The following IWS1 variants were observed in gnomAD, a reference collection of about 807,000 sequenced individuals.
IWS1 encodes interacts with SUPT6H, CTD assembly factor 1.
In IWS1, 27 loss-of-function variants were observed where a neutral mutation model predicts 86.7. The ratio of observed to expected loss-of-function variants is 0.31; its 90% CI spans 0.23 to 0.43. The LOEUF (loss-of-function observed/expected upper bound fraction) is 0.43. IWS1 is among the 20% of genes least tolerant of loss of function. The pLI, the probability that IWS1 is intolerant of heterozygous loss-of-function variation, is 1.00. For missense variants in IWS1, 827 were observed against 1,000.8 expected (o/e 0.83, Z 2.34); for synonymous variants, 313 against 335.1 (o/e 0.93, Z 0.72).
rs754581075 is a variant in IWS1, at chr2:127,504,780, T to C, written c.1123A>G (p.Met375Val). The C allele has an allele frequency of 5.0e-6, 8 of 1,614,086 alleles. No individual in the cohort carries two copies. The African/African-American group carries it at 1.1e-4, about 22-fold the overall frequency. Residue 375 changes from methionine to valine, a missense_variant, in exon 3 of 14, where the codon ATG becomes GTG. Physicochemically the swap from Met to Val is conservative, Grantham distance 21. Transcript: ENST00000295321. ...TCTTTTTCATCTTCATCACTGTCCA[T>C]TTTTTGCTTTTTGTGTTCTTCCTCC... ...SEEEEHKKQK[M>V]DSDEDEKEGE...
rs1422937815 is a variant in IWS1 at position 127,502,821 on chromosome 2, T to C, written c.1461A>G (p.Glu487=). The C allele has an allele frequency of 1.0e-5, 16 of 1,536,572 alleles. No homozygotes were observed. Among genetic ancestry groups the C allele is most frequent in the Non-Finnish European group, 1.8e-6 (2 of 1,112,886 alleles). The change falls in exon 5 of 14, where the codon GAA becomes GAG. Residue 487 remains glutamate (E), a synonymous_variant. Transcript: ENST00000295321. ...FGESGDEEEE[E]FTGFNQEDLE... is the part of the protein sequence containing the mutation. ...ATTTCCATCTTATACTTACTGTAAATTCTTCTTCCTCTTCATCACCAGATT... is the reference window on the plus strand; with the variant it reads ...ATTTCCATCTTATACTTACTGTAAACTCTTCTTCCTCTTCATCACCAGATT...
At chr2:127,483,232 C>A (rs1226117897) in intron 13 of IWS1, among the ~76,000 whole-genome samples, 1 of 152,052 alleles carries the variant, frequency 6.6e-6, no homozygotes, top group East Asian at 1.9e-4. Context: ...TAGAAGTATT[C>A]CACGGAGTAA....
rs1691025701 is a variant in IWS1 at position 127,504,799 on chromosome 2, T to C, written c.1104A>G (p.Glu368=). ...KKFHSSDSEE[E]EHKKQKMDSD... The stretch of plus-strand genomic sequence containing the variant: ...TGTCCATTTTTTGCTTTTTGTGTTC[T>C]TCCTCCTCACTATCAGAACTGTGAA... The change falls in exon 3 of 14, where the codon GAA becomes GAG. Residue 368 remains glutamate (E), a synonymous_variant. Transcript: ENST00000295321. 6.2e-7 allele frequency: 1 copy of C among 1,614,120 alleles called. No homozygotes were observed. Among genetic ancestry groups the C allele is most frequent in the Non-Finnish European group, 8.5e-7 (1 of 1,180,042 alleles).
intron 13 of IWS1, chr2:127,482,419 A>G (rs372851619): frequency 2.0e-5 from 3 of 152,354 alleles, no homozygotes; most frequent in African/African-American, 7.2e-5. Context: ...TCGTACTCTG[A>G]GTAAGCATAA....
chr2:127,499,216 G>A lies in IWS1; in HGVS notation c.1468-979C>T, dbSNP rs1236748246. ...TGCCATTCTCCTGCCTCAGCCTTCT[G>A]AGTAGCTGGGACTACAGGCGCCTGC... On this transcript the variant is annotated intron_variant, in intron 5 of 13. Transcript: ENST00000295321. The surrounding 1 kb of genome is among the most constrained non-coding windows in gnomAD (Gnocchi z 4.0). Among the ~76,000 whole-genome samples the A allele has an allele frequency of 1.3e-5, 2 of 151,330 alleles. No homozygotes were observed. Among genetic ancestry groups the A allele is most frequent in the African/African-American group, 4.9e-5 (2 of 41,162 alleles).
At chr2:127,483,947 AC>A (rs1169054771) in intron 13 of IWS1, among the ~76,000 whole-genome samples, 2 of 150,432 alleles carry the variant, frequency 1.3e-5, no homozygotes, top group African/African-American at 2.5e-5. Flanking sequence ...TTCTCTTTGT[AC>A]TTAAACATTT....
chr2:127,526,248 C>T lies in IWS1; in HGVS notation c.-40G>A, dbSNP rs1347369619. 3.9e-6 allele frequency: 6 copies of T among 1,550,268 alleles called. No individual in the cohort carries two copies. The African/African-American group carries it at 8.2e-5, about 21-fold the overall frequency. On this transcript the variant is annotated 5_prime_UTR_variant, in exon 1 of 14. Transcript: ENST00000295321. Reference sequence around the variant, plus strand: ...CAGCGGGGAGTGTCCGCGCCCCGCGCCGCCCCCGTCACCTCCTTCCAGGCG... The same window carrying T: ...CAGCGGGGAGTGTCCGCGCCCCGCGTCGCCCCCGTCACCTCCTTCCAGGCG...
At chr2:127,525,150 T>C (rs1383556482) in intron 1 of IWS1, among the ~76,000 whole-genome samples, 1 of 147,662 alleles carries the variant, frequency 6.8e-6, no homozygotes, top group African/African-American at 2.6e-5. Flanking sequence ...GGGGGTGGTG[T>C]TGGTCTCACT....
chr2:127,509,446 C>T (rs1473952968), intron 2 of IWS1, among the ~76,000 whole-genome samples: 1 of 152,084 alleles, frequency 6.6e-6, no homozygotes, highest in African/African-American at 2.4e-5. Flanking sequence ...CAGTGGCTCA[C>T]GCCTGTAATC....
In IWS1 at chr2:127,493,352, G is replaced by A; in HGVS notation, c.1858C>T (p.Leu620Phe). Residue 620 changes from leucine (L) to phenylalanine (F), a missense_variant, in exon 9 of 14, where the codon CTC becomes TTC. Physicochemically the swap from Leu to Phe is conservative, Grantham distance 22 (BLOSUM62 0). This residue lies in a region of IWS1 where 279 missense variants were observed against 440.6 expected (regional missense o/e 0.63). Transcript: ENST00000295321. ...AAACTCCTATCTGGTAGAGGTGAGA[G>A]CCATTCTTTGATGGCAGACATCACA... Reference protein sequence around the residue: ...SGVMSAIKEWLSPLPDRSLPA... With the variant: ...SGVMSAIKEWFSPLPDRSLPA... 1 of 1,613,546 alleles carries A rather than the reference G, an allele frequency of 6.2e-7. No individual in the cohort carries two copies. The highest frequency in any genetic ancestry group is 8.5e-7 in the Non-Finnish European group (1 of 1,179,706).
chr2:127,505,910 G>A lies in IWS1; in HGVS notation c.151-158C>T. On this transcript the variant is annotated intron_variant, in intron 2 of 13. Coordinates refer to ENST00000295321, the MANE Select transcript of IWS1 (RefSeq NM_017969.3). This position sits in a 1 kb window ranked among gnomAD's most constrained non-coding sequence, Gnocchi z 5.0. ...ATACCCATATAGAAACACCCCCACAGAAAGCCAATCAGTGAAATGGTTTTA... is the reference window on the plus strand; with the variant it reads ...ATACCCATATAGAAACACCCCCACAAAAAGCCAATCAGTGAAATGGTTTTA... 2.0e-6 allele frequency: 1 copy of A among 493,356 alleles called. No homozygotes were observed. Among genetic ancestry groups the A allele is most frequent in the Non-Finnish European group, 3.5e-6 (1 of 285,378 alleles). 30.6% of individuals were successfully genotyped at this position (493,356 alleles called of 1,614,324 possible).
At chr2:127,491,794 T>G (rs1335976611) in intron 10 of IWS1, among the ~76,000 whole-genome samples, 177 bp downstream of exon 10, 2 of 152,106 alleles carry the variant, frequency 1.3e-5, no homozygotes, top group Admixed American at 1.3e-4. Flanking sequence ...ATATTGAGGT[T>G]TTTTTTTAAA....
At position 127,499,132 on chromosome 2, in the gene IWS1, C is replaced by G. The variant is rs1375806329; in HGVS notation, c.1468-895G>C. On this transcript the variant is annotated intron_variant, in intron 5 of 13. Transcript: ENST00000295321. This position sits in a 1 kb window ranked among gnomAD's most constrained non-coding sequence, Gnocchi z 4.0. ...TTGAGACGGAGTCTCACTGTGTCGC[C>G]CAGGCCAGAGTGCAGTGGCGTGATC... 1.3e-5 allele frequency among the ~76,000 whole-genome samples: 2 copies of G among 151,216 alleles called. No homozygotes were observed. Among genetic ancestry groups the G allele is most frequent in the Non-Finnish European group, 2.9e-5 (2 of 67,898 alleles).
intron 12 of IWS1, chr2:127,487,958 T>A (rs1370626864): frequency 6.6e-6 from 1 of 152,408 alleles, no homozygotes; most frequent in East Asian, 1.9e-4. Context: ...CTCATCAACT[T>A]CCTTCCTAAA....
chr2:127,508,414 C>T (rs543056097), intron 2 of IWS1, among the ~76,000 whole-genome samples: 38 of 152,114 alleles, frequency 2.5e-4, no homozygotes, highest in African/African-American at 8.0e-4. Flanking sequence ...TGAGTTAAGA[C>T]GGGAGGGTGG....
intron 2 of IWS1, among the ~76,000 whole-genome samples, chr2:127,517,370 C>G (rs914761089): frequency 1.3e-5 from 2 of 152,244 alleles, no homozygotes; most frequent in Admixed American, 1.3e-4. Flanking sequence ...GTAGTTAATA[C>G]ACTAGTACAG....
At chr2:127,516,349 C>CG (rs1465474954) in intron 2 of IWS1, among the ~76,000 whole-genome samples, 1 of 151,768 alleles carries the variant, frequency 6.6e-6, no homozygotes, top group Non-Finnish European at 1.5e-5. Context: ...ACCCCGCCCC[C>CG]GCAATACACA....
chr2:127,526,386 G>A lies in IWS1; in HGVS notation c.-178C>T, dbSNP rs1291769371. ...CGGCAAAGGCGAATTCTTTGACCTG[G>A]AAGCCCCGGCGGAAAAGGCCGTACC... On this transcript the variant is annotated 5_prime_UTR_variant, in exon 1 of 14. Transcript: ENST00000295321. 2 of 1,536,270 alleles carry A rather than the reference G, an allele frequency of 1.3e-6. No individual in the cohort carries two copies. Among genetic ancestry groups the A allele is most frequent in the Non-Finnish European group, 1.7e-6 (2 of 1,146,236 alleles).
At chr2:127,507,365 T>C (rs1190321949) in intron 2 of IWS1, among the ~76,000 whole-genome samples, 1 of 152,230 alleles carries the variant, frequency 6.6e-6, no homozygotes, top group Admixed American at 6.5e-5. Flanking sequence ...GTCATTGCTA[T>C]ACACAGTCAC....
Sources: gnomAD v4.1 joint callset for allele counts (sites outside exome capture counted in the v4.1 genomes callset) on GRCh38, gnomAD v4.1.1 for gene constraint, gnomAD v4.1.1 regional missense constraint, Gnocchi (gnomAD v3.1) non-coding constraint, MANE v1.5 for transcripts, NCBI Gene and HGNC (gene_info 2026-07-23, HGNC 2026-07-21) for gene names.